The following SLC9D1 variants were observed in gnomAD, a reference collection of about 807,000 sequenced individuals.
SLC9D1 encodes solute carrier family 9 member D1.
chr13:113,509,485 TC>T, the SLC9D1 span, among the ~76,000 whole-genome samples: 2 of 146,858 alleles, frequency 1.4e-5, no homozygotes, highest in African/African-American at 5.0e-5. Context: ...GGGTGGGCTC[TC>T]CCGGAGCCGC....
At chr13:113,491,469 C>T in the SLC9D1 span, among the ~76,000 whole-genome samples, 13 of 149,542 alleles carry the variant, frequency 8.7e-5, no homozygotes, top group Non-Finnish European at 3.0e-5. Flanking sequence ...TCCCTTCTTC[C>T]CTTCCCAGGG....
the SLC9D1 span, among the ~76,000 whole-genome samples, chr13:113,493,786 T>A: frequency 3.2e-4 from 49 of 152,142 alleles, no homozygotes; most frequent in South Asian, 9.4e-3. Context: ...TGCTTGTAAT[T>A]CTGATCAGTA....
the SLC9D1 span, among the ~76,000 whole-genome samples, chr13:113,515,225 C>A: frequency 6.6e-6 from 1 of 152,166 alleles, no homozygotes; most frequent in Non-Finnish European, 1.5e-5. Flanking sequence ...AAAAATTAAT[C>A]AACTGAATAT....
the SLC9D1 span, among the ~76,000 whole-genome samples, chr13:113,507,137 C>T: frequency 2.0e-5 from 3 of 151,932 alleles, no homozygotes; most frequent in African/African-American, 7.3e-5. Context: ...TTGGCGCTGA[C>T]GAGGGTCTCC....
chr13:113,516,171 C>T, the SLC9D1 span, among the ~76,000 whole-genome samples: 4 of 152,138 alleles, frequency 2.6e-5, no homozygotes, highest in Non-Finnish European at 5.9e-5. Context: ...GTGTATGAAA[C>T]AAGGTTAGTC....
At chr13:113,516,835 G>C in the SLC9D1 span, among the ~76,000 whole-genome samples, 1 of 152,204 alleles carries the variant, frequency 6.6e-6, no homozygotes, top group Admixed American at 6.5e-5. Context: ...GAACAGAGGA[G>C]GCAGGCACCT....
the SLC9D1 span, among the ~76,000 whole-genome samples, chr13:113,532,974 C>T: frequency 2.5e-5 from 1 of 40,362 alleles, no homozygotes. Flanking sequence ...GGCCCTGCAG[C>T]GAGCTCTGAA....
chr13:113,546,938 G>C, the SLC9D1 span, among the ~76,000 whole-genome samples: 561 of 152,336 alleles, frequency 3.7e-3, 4 homozygotes, highest in African/African-American at 0.013. This position sits in a 1 kb window ranked among gnomAD's most constrained non-coding sequence, Gnocchi z 7.1. Context: ...GCACTCCTGG[G>C]CACTGTGGGG....
At chr13:113,518,553 G>A in the SLC9D1 span, among the ~76,000 whole-genome samples, 4 of 152,204 alleles carry the variant, frequency 2.6e-5, no homozygotes, top group Admixed American at 6.5e-5. Flanking sequence ...TAGAAGGGGC[G>A]CAGGTGTGAA....
chr13:113,549,518 G>C, the SLC9D1 span: 1 of 1,614,128 alleles, frequency 6.2e-7, no homozygotes, highest in Non-Finnish European at 8.5e-7. Flanking sequence ...GCCCAGACCG[G>C]AGAGACGGTC....
the SLC9D1 span, among the ~76,000 whole-genome samples, chr13:113,531,631 C>T: frequency 3.0e-4 from 45 of 151,368 alleles, no homozygotes; most frequent in African/African-American, 1.0e-3. Context: ...GGCACGGCGC[C>T]CCGTACGTGC....
chr13:113,497,110 A>G, the SLC9D1 span, among the ~76,000 whole-genome samples: 5 of 148,582 alleles, frequency 3.4e-5, no homozygotes, highest in African/African-American at 1.2e-4. Flanking sequence ...CAGCTGTGTG[A>G]TAGACCTGCA....
chr13:113,520,753 A>G, the SLC9D1 span: 1 of 1,547,264 alleles, frequency 6.5e-7, no homozygotes, highest in Admixed American at 1.7e-5. Context: ...TTGTGTACGC[A>G]ATTTGTTTTT....
At chr13:113,495,536 G>T in the SLC9D1 span, 1 of 1,397,888 alleles carries the variant, frequency 7.2e-7, no homozygotes. Context: ...AGCTCAGTGG[G>T]GCAGAGACCC....
chr13:113,510,354 G>A, the SLC9D1 span: 38 of 1,613,984 alleles, frequency 2.4e-5, no homozygotes, highest in African/African-American at 2.1e-4. Flanking sequence ...TCATTTCCAC[G>A]TGTCTGTCCT....
the SLC9D1 span, among the ~76,000 whole-genome samples, chr13:113,521,640 C>G: frequency 6.6e-6 from 1 of 152,140 alleles, no homozygotes; most frequent in Non-Finnish European, 1.5e-5. Flanking sequence ...TCTTTTCATT[C>G]TCCCAATATC....
At chr13:113,503,950 T>C in the SLC9D1 span, 1 of 177,330 alleles carries the variant, frequency 5.6e-6, no homozygotes, top group African/African-American at 2.4e-5. Context: ...ACTTTGTCAA[T>C]TGGAAGTGAG....
At chr13:113,503,384 TA>T in the SLC9D1 span, 5 of 624,186 alleles carry the variant, frequency 8.0e-6, no homozygotes, top group Non-Finnish European at 8.5e-6. Flanking sequence ...TGTGTGTGTG[TA>T]TGTGTGTTTT....
the SLC9D1 span, among the ~76,000 whole-genome samples, chr13:113,521,841 A>G: frequency 6.6e-6 from 1 of 152,174 alleles, no homozygotes; most frequent in African/African-American, 2.4e-5. Context: ...ATAGGACTGT[A>G]AGCTTGAGTG....
Sources: gnomAD v4.1 joint callset for allele counts (sites outside exome capture counted in the v4.1 genomes callset) on GRCh38, gnomAD v4.1.1 for gene constraint, Gnocchi (gnomAD v3.1) non-coding constraint, MANE v1.5 for transcripts, NCBI Gene and HGNC (gene_info 2026-07-23, HGNC 2026-07-21) for gene names.